NIM1K: variants seen among roughly 807,000 people sequenced by gnomAD.
NIM1K encodes the protein NIM1 serine/threonine protein kinase.
Under a neutral mutation model 37.1 loss-of-function variants are expected in NIM1K, and 35 were observed. The observed-to-expected ratio is 0.94, with a 90% confidence interval of 0.72 to 1.25. NIM1K has a LOEUF of 1.25. Ranked by LOEUF, NIM1K falls within the 50% of genes most tolerant of loss-of-function variation. The probability of loss-of-function intolerance (pLI) is 0.00; values close to 1 mark genes in which losing one functional copy is unlikely to be tolerated. For missense variants in NIM1K, 564 were observed against 548.0 expected, an observed-to-expected ratio of 1.03 and a Z score of -0.29; for synonymous variants, 234 against 206.6, an observed-to-expected ratio of 1.13 and a Z score of -1.14.
chr5:43,264,896 A>G (rs948769069), intron 2 of NIM1K, among the ~76,000 whole-genome samples: 1 of 152,188 alleles, frequency 6.6e-6, no homozygotes, highest in Non-Finnish European at 1.5e-5. Flanking sequence ...TTGACTGGCT[A>G]TGGAATTCTG....
At chr5:43,275,300 AATTAGACCTACC>A (rs1486561900) in intron 2 of NIM1K, among the ~76,000 whole-genome samples, 3 of 152,216 alleles carry the variant, frequency 2.0e-5, no homozygotes, top group African/African-American at 7.2e-5. Flanking sequence ...GAAATTATAA[AATTAGACCTACC>A]ACACTCTATT....
At chr5:43,207,502 T>G (rs1752134888) in intron 1 of NIM1K, 2 of 730,198 alleles carry the variant, frequency 2.7e-6, no homozygotes, top group Admixed American at 3.5e-5. Flanking sequence ...AATTTTATTA[T>G]GTGATTAATG....
chr5:43,276,543 GA>G (rs1435481557), intron 2 of NIM1K, among the ~76,000 whole-genome samples: 1 of 152,244 alleles, frequency 6.6e-6, no homozygotes, highest in African/African-American at 2.4e-5. Context: ...TTTGGGTGGG[GA>G]CAAATGTCCA....
At chr5:43,272,214 A>G (rs1753267323) in intron 2 of NIM1K, among the ~76,000 whole-genome samples, 1 of 152,120 alleles carries the variant, frequency 6.6e-6, no homozygotes, top group Non-Finnish European at 1.5e-5. Flanking sequence ...GGTCTTTCCT[A>G]CCTCAAGATC....
chr5:43,234,232 C>T (rs1032082833), intron 1 of NIM1K, among the ~76,000 whole-genome samples: 1 of 131,446 alleles, frequency 7.6e-6, no homozygotes, highest in South Asian at 2.7e-4. Flanking sequence ...GTTGTCATGT[C>T]GTGTCATTCT....
In NIM1K at chr5:43,280,779, A is replaced by T. The variant is rs773213033; in HGVS notation, c.*50A>T. On this transcript the variant is annotated 3_prime_UTR_variant, in exon 4 of 4. Coordinates refer to ENST00000326035, the MANE Select transcript of NIM1K (RefSeq NM_153361.4). Reference sequence around the variant, plus strand: ...ACCAAGATGATTGTTGCTGCTTCTAAATTTTTTTCAAGGACAACTTGAGTG... The same window carrying T: ...ACCAAGATGATTGTTGCTGCTTCTATATTTTTTTCAAGGACAACTTGAGTG... 3 of 1,481,278 alleles carry T rather than the reference A, an allele frequency of 2.0e-6. No homozygotes were observed. The South Asian group carries it at 4.6e-5, about 23-fold the overall frequency. 91.8% of individuals were successfully genotyped at this position (1,481,278 alleles called of 1,614,324 possible).
chr5:43,263,007 G>A (rs1187565201), intron 2 of NIM1K, among the ~76,000 whole-genome samples: 4 of 152,170 alleles, frequency 2.6e-5, no homozygotes, highest in Non-Finnish European at 5.9e-5. Flanking sequence ...GCTGGATTCA[G>A]TTTGCCAGTA....
At chr5:43,252,147 A>T (rs1251143095) in intron 2 of NIM1K, among the ~76,000 whole-genome samples, 3 of 152,148 alleles carry the variant, frequency 2.0e-5, no homozygotes, top group Admixed American at 6.5e-5. Context: ...AATAATAATT[A>T]GTGTTTATAT....
At chr5:43,233,103 G>T in intron 1 of NIM1K, 1 of 1,346,400 alleles carries the variant, frequency 7.4e-7, no homozygotes, top group Non-Finnish European at 1.1e-6. Context: ...GTTCCAGGCA[G>T]TAGGGCTCCC....
chr5:43,215,445 C>A (rs1392139211), intron 1 of NIM1K, among the ~76,000 whole-genome samples: 6 of 151,976 alleles, frequency 3.9e-5, no homozygotes, highest in Admixed American at 3.9e-4. Flanking sequence ...ATCTTTTTTT[C>A]TTTTTTCGAG....
In NIM1K at chr5:43,277,206, T is replaced by C. The variant is rs369308427; in HGVS notation, c.442T>C (p.Leu148=). ...GGTGGAGACCCTATCCAAGCTGCAC[T>C]TGGTGATGGAGTATGCAGGGGGTGG... is the stretch of plus-strand genomic sequence containing the variant. The part of the protein sequence containing the change: ...EVVETLSKLH[L]VMEYAGGGEL... Residue 148 remains leucine, a synonymous_variant, in exon 3 of 4, where the codon TTG becomes CTG. Transcript: ENST00000326035. 8 of 1,613,936 alleles carry C rather than the reference T, an allele frequency of 5.0e-6. No individual in the cohort carries two copies. The Admixed American group carries it at 5.0e-5, about 10-fold the overall frequency.
At chr5:43,231,929 C>G in intron 1 of NIM1K, 2 of 949,084 alleles carry the variant, frequency 2.1e-6, no homozygotes, top group Non-Finnish European at 3.2e-6. Flanking sequence ...CTCCTTCCTC[C>G]CTTCTCTCAC....
rs1004577521 is a variant in NIM1K, at chr5:43,280,295, C to T, written c.877C>T (p.His293Tyr). 1.2e-6 allele frequency: 2 copies of T among 1,614,150 alleles called. No individual in the cohort carries two copies. The highest frequency in any genetic ancestry group is 1.7e-6 in the Non-Finnish European group (2 of 1,180,022). The change falls in exon 4 of 4, where the codon CAC becomes TAC. Residue 293 changes from histidine to tyrosine, a missense_variant. Physicochemically the swap from His to Tyr is moderately conservative, Grantham distance 83 (BLOSUM62 2). Transcript: ENST00000326035. Reference protein sequence around the residue: ...ILEGTYSVPPHVSEPCHRLIR... With the variant: ...ILEGTYSVPPYVSEPCHRLIR... ...CGAGGGCACATACAGTGTACCGCCG[C>T]ACGTGTCAGAGCCCTGCCACCGACT...
chr5:43,211,354 C>T (rs1752201656), intron 1 of NIM1K, among the ~76,000 whole-genome samples: 1 of 152,154 alleles, frequency 6.6e-6, no homozygotes, highest in Non-Finnish European at 1.5e-5. Context: ...GTTGTGGTTA[C>T]ATTCTTACTC....
chr5:43,267,771 T>C (rs1753187450), intron 2 of NIM1K, among the ~76,000 whole-genome samples: 1 of 152,206 alleles, frequency 6.6e-6, no homozygotes, highest in South Asian at 2.1e-4. Context: ...AGAATTCCTT[T>C]TGGAGTTGGT....
At chr5:43,258,870 C>A (rs1301277091) in intron 2 of NIM1K, among the ~76,000 whole-genome samples, 1 of 152,120 alleles carries the variant, frequency 6.6e-6, no homozygotes, top group African/African-American at 2.4e-5. Flanking sequence ...GTGCACCTAT[C>A]ACCTGAGTAG....
intron 2 of NIM1K, among the ~76,000 whole-genome samples, chr5:43,253,789 A>G (rs1172575305): frequency 2.0e-5 from 3 of 151,686 alleles, no homozygotes; most frequent in African/African-American, 7.3e-5. Flanking sequence ...TCTCCTGAGT[A>G]GCTGGGATTA....
chr5:43,212,259 G>C (rs1302056489), intron 1 of NIM1K, among the ~76,000 whole-genome samples: 1 of 151,940 alleles, frequency 6.6e-6, no homozygotes, highest in African/African-American at 2.4e-5. Context: ...TTCCTGCTTG[G>C]CCAACGGATC....
intron 1 of NIM1K, among the ~76,000 whole-genome samples, chr5:43,221,885 T>C (rs1011785370): frequency 6.6e-6 from 1 of 152,364 alleles, no homozygotes; most frequent in African/African-American, 2.4e-5. Context: ...CCGATACAAG[T>C]AGCTCCTTGA....
Sources: gnomAD v4.1 joint callset for allele counts (sites outside exome capture counted in the v4.1 genomes callset) on GRCh38, gnomAD v4.1.1 for gene constraint, MANE v1.5 for transcripts, NCBI Gene and HGNC (gene_info 2026-07-23, HGNC 2026-07-21) for gene names.